The following ARID5A variants were observed in gnomAD, a reference collection of about 807,000 sequenced individuals.
ARID5A encodes the protein AT-rich interaction domain 5A, also known as AT-rich interactive domain-containing protein 5A.
Under a neutral mutation model 30.5 loss-of-function variants are expected in ARID5A, and 14 were observed. The observed-to-expected ratio is 0.46, with a 90% confidence interval of 0.30 to 0.72. The LOEUF (loss-of-function observed/expected upper bound fraction) is 0.72. Among genes scored for constraint, ARID5A ranks in the 30% least tolerant of loss-of-function variants. The pLI is 0.07. For missense variants in ARID5A, 669 were observed against 786.2 expected, an observed-to-expected ratio of 0.85 and a Z score of 1.78; for synonymous variants, 338 against 340.4, an observed-to-expected ratio of 0.99 and a Z score of 0.08.
intron 2 of ARID5A, 48 bp downstream of exon 2, chr2:96,547,565 C>G (rs557007082): frequency 6.4e-7 from 1 of 1,561,104 alleles, no homozygotes; most frequent in Non-Finnish European, 8.8e-7. Context: ...TCCCTGCCAC[C>G]CTCACCTGTG....
intron 1 of ARID5A, among the ~76,000 whole-genome samples, chr2:96,544,442 C>CTCATTTATCATTTA (rs2065893390): frequency 6.6e-6 from 1 of 152,228 alleles, no homozygotes; most frequent in Admixed American, 6.5e-5. Flanking sequence ...GAAGCCTGTG[C>CTCATTTATCATTTA]TCATTTATCA....
In ARID5A at chr2:96,551,182, G is replaced by A; in HGVS notation, c.654G>A (p.Gln218=). The change falls in exon 7 of 7, where the codon CAG becomes CAA. Residue 218 remains glutamine (Q), a synonymous_variant. Coordinates refer to ENST00000357485, the MANE Select transcript of ARID5A (RefSeq NM_212481.3). The stretch of plus-strand genomic sequence containing the variant: ...AGCCCCCCAGGAACAGCACAGAACA[G>A]CAGGGCCTGGCCTCTGGGTCTTCTG... ...SQEPPRNSTE[Q]QGLASGSSVS... 1.2e-6 allele frequency: 2 copies of A among 1,613,976 alleles called. No individual in the cohort carries two copies. Among genetic ancestry groups the A allele is most frequent in the Non-Finnish European group, 1.7e-6 (2 of 1,179,988 alleles).
In ARID5A at chr2:96,537,890, G is replaced by C. The variant is rs2065769766; in HGVS notation, c.4+1060G>C. ...CCTTTGTTTGCAGAGTCTTGGGCCA[G>C]TAAGGAGTGCTCCGCGGGCCCCAGG... is the stretch of plus-strand genomic sequence containing the variant. On this transcript the variant is annotated intron_variant, in intron 1 of 6. Coordinates refer to ENST00000357485, the MANE Select transcript of ARID5A (RefSeq NM_212481.3). The surrounding 1 kb of genome is among the most constrained non-coding windows in gnomAD (Gnocchi z 4.8). 4.1e-6 allele frequency: 4 copies of C among 985,542 alleles called. No individual in the cohort carries two copies. In the South Asian group the frequency reaches 1.9e-4, roughly 46 times the overall value. 61.0% of individuals were successfully genotyped at this position (985,542 alleles called of 1,614,324 possible).
In ARID5A at chr2:96,550,204, T is replaced by C; in HGVS notation, c.329T>C (p.Leu110Pro). 6.5e-7 allele frequency: 1 copy of C among 1,534,998 alleles called. No individual in the cohort carries two copies. The highest frequency in any genetic ancestry group is 8.8e-7 in the Non-Finnish European group (1 of 1,142,198). ...GAYELVTGRRLWKNVYDELGG... is the reference protein window; with the variant it reads ...GAYELVTGRRPWKNVYDELGG... ...CCCTTGCAGGTGACCGGGCGCCGCC[T>C]CTGGAAGAACGTGTACGACGAGCTG... Residue 110 changes from leucine (L) to proline (P), a missense_variant, in exon 5 of 7, where the codon CTC (leucine) becomes CCC (proline). By Grantham distance (98) the Leu-to-Pro change is moderately conservative. This residue lies in a region of ARID5A where 64 missense variants were observed against 119.7 expected (regional missense o/e 0.53). Transcript: ENST00000357485. The surrounding 1 kb of genome is among the most constrained non-coding windows in gnomAD (Gnocchi z 6.6).
At chr2:96,542,511 A>G (rs1307750260) in intron 1 of ARID5A, among the ~76,000 whole-genome samples, 5 of 152,150 alleles carry the variant, frequency 3.3e-5, no homozygotes, top group Non-Finnish European at 7.4e-5. Flanking sequence ...CAAACTCTGA[A>G]CCATGCAGAA....
At position 96,549,181 on chromosome 2, in the gene ARID5A, C is replaced by T; in HGVS notation, c.121-140C>T. ...GAACCCAGGAACAGTCACTCCCTCC[C>T]AGAACAGTGGCTAGGTGTTCTCTGG... is the stretch of plus-strand genomic sequence containing the variant. On this transcript the variant is annotated intron_variant, in intron 2 of 6. Coordinates refer to ENST00000357485, the MANE Select transcript of ARID5A (RefSeq NM_212481.3). The surrounding 1 kb of genome is among the most constrained non-coding windows in gnomAD (Gnocchi z 6.1). 1 of 1,469,682 alleles carries T rather than the reference C, an allele frequency of 6.8e-7. No homozygotes were observed. Among genetic ancestry groups the T allele is most frequent in the Non-Finnish European group, 9.1e-7 (1 of 1,096,650 alleles). The allele number at this position is 1,469,682 out of a possible 1,614,324, so 91.0% of individuals were successfully genotyped here.
At position 96,551,616 on chromosome 2, in the gene ARID5A, TCTC is replaced by T. The variant is rs1257621982; in HGVS notation, c.1089_1091del (p.Ser364del). The T allele has an allele frequency of 6.5e-7, 1 of 1,545,250 alleles. No homozygotes were observed. The highest frequency in any genetic ancestry group is 2.1e-5 in the Admixed American group (1 of 47,084). On this transcript the variant is annotated inframe_deletion, in exon 7 of 7. Coordinates refer to ENST00000357485, the MANE Select transcript of ARID5A (RefSeq NM_212481.3). ...GTCAGCCAGCACCCCAGGGACTTCT[TCTC>T]TAGACTTAAAGATGGGGTGCTATTG... is the stretch of plus-strand genomic sequence containing the variant.
At chr2:96,545,825 G>C (rs1299937778) in intron 1 of ARID5A, among the ~76,000 whole-genome samples, 1 of 151,870 alleles carries the variant, frequency 6.6e-6, no homozygotes, top group Non-Finnish European at 1.5e-5. Flanking sequence ...TTAGTGGCAC[G>C]CACCTGTAGT....
In ARID5A at chr2:96,551,891, A is replaced by G. The variant is rs1381636019; in HGVS notation, c.1363A>G (p.Ser455Gly). Residue 455 changes from serine (S) to glycine (G), a missense_variant, in exon 7 of 7, where the codon AGT (serine) becomes GGT (glycine). By Grantham distance (56) the Ser-to-Gly change is moderately conservative. Coordinates refer to ENST00000357485, the MANE Select transcript of ARID5A (RefSeq NM_212481.3). ...RSLEEEGAAH[S>G]GKRLRAVSPF... ...CCTGGAGGAAGAGGGTGCTGCCCACAGTGGGAAGAGACTGCGGGCCGTGTC... is the reference window on the plus strand; with the variant it reads ...CCTGGAGGAAGAGGGTGCTGCCCACGGTGGGAAGAGACTGCGGGCCGTGTC... 7 of 1,553,090 alleles carry G rather than the reference A, an allele frequency of 4.5e-6. No individual in the cohort carries two copies. In the East Asian group the frequency reaches 9.0e-5, roughly 20 times the overall value.
chr2:96,547,042 C>T (rs1056944204), intron 1 of ARID5A, among the ~76,000 whole-genome samples: 1 of 152,030 alleles, frequency 6.6e-6, no homozygotes, highest in Non-Finnish European at 1.5e-5. Context: ...AGAAAAGGGA[C>T]AGGTGTGGAG....
Position 96,552,178 on chromosome 2 carries a change from C to T in ARID5A, c.1650C>T (p.Gly550=), listed in dbSNP as rs760451929. ...CAGGCCCCTCGCCCATGGCCGCTGGCCTGATGCACTTCCCCCCAACGTCCT... is the reference window on the plus strand; with the variant it reads ...CAGGCCCCTCGCCCATGGCCGCTGGTCTGATGCACTTCCCCCCAACGTCCT... ...ATAGPSPMAA[G]LMHFPPTSFD... The change falls in exon 7 of 7, where the codon GGC becomes GGT. Residue 550 remains glycine, a synonymous_variant. Transcript: ENST00000357485. 6 of 1,613,304 alleles carry T rather than the reference C, an allele frequency of 3.7e-6. No individual in the cohort carries two copies. The East Asian group carries it at 1.3e-4, about 36-fold the overall frequency.
At chr2:96,540,600 G>A (rs932267221) in intron 1 of ARID5A, among the ~76,000 whole-genome samples, 1 of 152,208 alleles carries the variant, frequency 6.6e-6, no homozygotes, top group African/African-American at 2.4e-5. Context: ...TTTTAAGAAG[G>A]AACTTCTGAG....
In ARID5A at chr2:96,550,256, G is replaced by T. The variant is rs756094930; in HGVS notation, c.381G>T (p.Ala127=). The T allele has an allele frequency of 6.7e-7, 1 of 1,496,886 alleles. No individual in the cohort carries two copies. Among genetic ancestry groups the T allele is most frequent in the South Asian group, 1.3e-5 (1 of 77,004 alleles). The allele number at this position is 1,496,886 out of a possible 1,614,324, so 92.7% of individuals were successfully genotyped here. ...GGGGCAGCCCAGGCAGCACCAGCGC[G>T]GCCACGTGCACGCGCCGCCACTACG... ...ELGGSPGSTS[A]ATCTRRHYER... The change falls in exon 5 of 7, where the codon GCG becomes GCT. Residue 127 remains alanine, a synonymous_variant. Transcript: ENST00000357485. This position sits in a 1 kb window ranked among gnomAD's most constrained non-coding sequence, Gnocchi z 6.6.
In ARID5A at chr2:96,550,424, C is replaced by T; in HGVS notation, c.410+139C>T. The T allele has an allele frequency of 2.1e-6, 3 of 1,431,136 alleles. No individual in the cohort carries two copies. The highest frequency in any genetic ancestry group is 2.6e-4 in the Middle Eastern group (1 of 3,876). 88.7% of individuals were successfully genotyped at this position (1,431,136 alleles called of 1,614,324 possible). On this transcript the variant is annotated intron_variant, in intron 5 of 6. Transcript: ENST00000357485. The surrounding 1 kb of genome is among the most constrained non-coding windows in gnomAD (Gnocchi z 6.6). ...TCAGAGCTGCGGGAGCCCAGGCTGG[C>T]TGGGCGCACTCACTGAGGGAGCTGA...
In ARID5A at chr2:96,545,454, C is replaced by T. The variant is rs1042741110; in HGVS notation, c.5-1948C>T. Among the ~76,000 whole-genome samples, 8 of 152,074 alleles carry T rather than the reference C, an allele frequency of 5.3e-5. No homozygotes were observed. The South Asian group carries it at 1.7e-3, about 32-fold the overall frequency. ...TACAGGCGTGAGCCACCGCGCCCAT[C>T]CTAAAGTGGCTTCTTGAGGTGGAAT... On this transcript the variant is annotated intron_variant, in intron 1 of 6. Coordinates refer to ENST00000357485, the MANE Select transcript of ARID5A (RefSeq NM_212481.3).
At position 96,550,187 on chromosome 2, in the gene ARID5A, G is replaced by A; in HGVS notation, c.313-1G>A. 1 of 1,534,806 alleles carries A rather than the reference G, an allele frequency of 6.5e-7. No individual in the cohort carries two copies. Among genetic ancestry groups the A allele is most frequent in the Non-Finnish European group, 8.8e-7 (1 of 1,142,254 alleles). On this transcript the variant is annotated splice_acceptor_variant, in intron 4 of 6. Coordinates refer to ENST00000357485, the MANE Select transcript of ARID5A (RefSeq NM_212481.3). LOFTEE classifies it high-confidence loss of function. The surrounding 1 kb of genome is among the most constrained non-coding windows in gnomAD (Gnocchi z 6.6). ...CGCGCCCTCACGAGGTGCCCTTGCA[G>A]GTGACCGGGCGCCGCCTCTGGAAGA...
intron 1 of ARID5A, among the ~76,000 whole-genome samples, chr2:96,538,638 C>T (rs915836541): frequency 2.0e-5 from 3 of 152,146 alleles, no homozygotes; most frequent in African/African-American, 4.8e-5. Flanking sequence ...CCGCCGCTCC[C>T]GGGCTGCCGA....
chr2:96,551,813 C>T lies in ARID5A; in HGVS notation c.1285C>T (p.Pro429Ser), dbSNP rs758085829. ...SPMAKVPAESPTLPPTFPSSP... is the reference protein window; with the variant it reads ...SPMAKVPAESSTLPPTFPSSP... Reference sequence around the variant, plus strand: ...CATGGCCAAGGTCCCAGCCGAGAGCCCCACGCTCCCGCCCACCTTCCCCAG... The same window carrying T: ...CATGGCCAAGGTCCCAGCCGAGAGCTCCACGCTCCCGCCCACCTTCCCCAG... The change falls in exon 7 of 7, where the codon CCC becomes TCC. Residue 429 changes from proline to serine, a missense_variant. Around this residue, in one of 4 missense-constraint regions of ARID5A, gnomAD observed 548 missense variants for 577.4 expected, o/e 0.95. Coordinates refer to ENST00000357485, the MANE Select transcript of ARID5A (RefSeq NM_212481.3). The T allele has an allele frequency of 4.0e-5, 63 of 1,593,262 alleles. No homozygotes were observed. The highest frequency in any genetic ancestry group is 5.2e-5 in the Non-Finnish European group (61 of 1,171,108).
intron 1 of ARID5A, among the ~76,000 whole-genome samples, chr2:96,543,183 CA>C (rs1196892776): frequency 2.6e-5 from 4 of 152,222 alleles, no homozygotes; most frequent in Admixed American, 6.5e-5. Context: ...ATAACCACAG[CA>C]GCCACTGGAC....
Sources: allele counts gnomAD v4.1 joint callset (sites outside exome capture counted in the v4.1 genomes callset), GRCh38; gene constraint gnomAD v4.1.1; regional missense constraint gnomAD v4.1.1; non-coding constraint Gnocchi (gnomAD v3.1); transcripts MANE v1.5; gene names NCBI Gene and HGNC (gene_info 2026-07-23, HGNC 2026-07-21).